Variants in KIAA1217 observed in about 807,000 individuals in gnomAD.
KIAA1217 encodes the protein KIAA1217.
In KIAA1217, 88 loss-of-function variants were observed where a neutral mutation model predicts 163.9. The ratio of observed to expected loss-of-function variants is 0.54; its 90% CI spans 0.45 to 0.64. The LOEUF (loss-of-function observed/expected upper bound fraction) is 0.64. Among genes scored for constraint, KIAA1217 ranks in the 30% least tolerant of loss-of-function variants. The pLI is 0.00. For missense variants in KIAA1217, 2,372 were observed against 2,475.0 expected, an observed-to-expected ratio of 0.96 and a Z score of 0.88; for synonymous variants, 903 against 923.1, an observed-to-expected ratio of 0.98 and a Z score of 0.39.
At chr10:24,166,998 G>C (rs1199978749) in intron 2 of KIAA1217, among the ~76,000 whole-genome samples, 1 of 152,072 alleles carries the variant, frequency 6.6e-6, no homozygotes, top group Non-Finnish European at 1.5e-5. Context: ...GGAAAGGGAT[G>C]GCAGCGAATA....
At chr10:24,353,247 C>A (rs564448692) in intron 2 of KIAA1217, among the ~76,000 whole-genome samples, 1 of 152,066 alleles carries the variant, frequency 6.6e-6, no homozygotes, top group African/African-American at 2.4e-5. Flanking sequence ...TCCATTTGGA[C>A]CTCATTTATG....
chr10:24,296,626 A>G (rs1590712973), intron 2 of KIAA1217, among the ~76,000 whole-genome samples: 1 of 152,200 alleles, frequency 6.6e-6, no homozygotes. Flanking sequence ...GTAACCCAAC[A>G]TGTACCATTT....
At chr10:24,443,896 CA>C (rs979309867) in intron 5 of KIAA1217, among the ~76,000 whole-genome samples, 2 of 152,116 alleles carry the variant, frequency 1.3e-5, no homozygotes, top group African/African-American at 4.8e-5. Context: ...GTAGATGAAA[CA>C]AAATGGTAAA....
chr10:23,768,706 T>C (rs1176701004), intron 1 of KIAA1217, among the ~76,000 whole-genome samples: 1 of 152,064 alleles, frequency 6.6e-6, no homozygotes, highest in Non-Finnish European at 1.5e-5. Context: ...AGATGAGGGG[T>C]TGAGAAAATA....
chr10:23,744,369 G>C (rs1235110261), intron 1 of KIAA1217, among the ~76,000 whole-genome samples: 2 of 152,128 alleles, frequency 1.3e-5, no homozygotes, highest in African/African-American at 4.8e-5. Flanking sequence ...AAGATGTGTA[G>C]GTTACCTCTA....
intron 6 of KIAA1217, among the ~76,000 whole-genome samples, chr10:24,477,445 C>G (rs1465471333): frequency 6.6e-6 from 1 of 152,192 alleles, no homozygotes; most frequent in Non-Finnish European, 1.5e-5. Flanking sequence ...TCTACATATT[C>G]CATGCTGTTT....
At chr10:23,901,603 A>T (rs1469683038) in intron 1 of KIAA1217, among the ~76,000 whole-genome samples, 1 of 152,062 alleles carries the variant, frequency 6.6e-6, no homozygotes, top group Non-Finnish European at 1.5e-5. Context: ...CCATATCATT[A>T]ATCAGCTAAG....
intron 6 of KIAA1217, among the ~76,000 whole-genome samples, chr10:24,474,444 A>G (rs1282200417): frequency 6.6e-6 from 1 of 152,254 alleles, no homozygotes; most frequent in Non-Finnish European, 1.5e-5. Context: ...ACTGCTGAAA[A>G]TAAGGAGTGA....
In KIAA1217 at chr10:24,086,732, C is replaced by T. The variant is rs1330523931; in HGVS notation, c.-171+79358C>T. ...TCAAGCTTGAAAACATCAAAATTAG[C>T]AATAAAAATAGAAGTTTCTTATCAG... On this transcript the variant is annotated intron_variant, in intron 2 of 18. Coordinates refer to the KIAA1217 transcript ENST00000376462. Among the ~76,000 whole-genome samples the T allele has an allele frequency of 2.6e-5, 4 of 152,062 alleles. No homozygotes were observed. In the East Asian group the frequency reaches 7.7e-4, roughly 29 times the overall value.
rs537820312 is a variant in KIAA1217 at position 24,067,157 on chromosome 10, C to T, written c.-171+59783C>T. Among the ~76,000 whole-genome samples, 88 of 152,244 alleles carry T rather than the reference C, an allele frequency of 5.8e-4. No individual in the cohort carries two copies. In the East Asian group the frequency reaches 0.016, roughly 28 times the overall value. ...CTCTCTCAACTCGTCAAAGTCATTC[C>T]CCGTCCAGCTTTGTTCCGTTGCTGG... On this transcript the variant is annotated intron_variant, in intron 2 of 18. Coordinates refer to the KIAA1217 transcript ENST00000376462.
intron 2 of KIAA1217, among the ~76,000 whole-genome samples, chr10:24,285,132 T>C (rs1343763889): frequency 6.6e-6 from 1 of 152,160 alleles, no homozygotes; most frequent in Admixed American, 6.6e-5. Context: ...TGGATATTAG[T>C]TCTTGTTAGA....
intron 1 of KIAA1217, among the ~76,000 whole-genome samples, chr10:23,994,312 G>A (rs1169123762): frequency 6.6e-6 from 1 of 152,118 alleles, no homozygotes; most frequent in African/African-American, 2.4e-5. Flanking sequence ...TTGAGGGATG[G>A]GGATTAGGTA....
chr10:23,804,353 G>A (rs1283391940), intron 1 of KIAA1217, among the ~76,000 whole-genome samples: 4 of 152,176 alleles, frequency 2.6e-5, no homozygotes, highest in African/African-American at 9.7e-5. Flanking sequence ...AGCTTGCTTT[G>A]TGTAGAGGTG....
At chr10:24,382,017 C>CT (rs111726524) in intron 3 of KIAA1217, among the ~76,000 whole-genome samples, 2,295 of 142,040 alleles carry the variant, frequency 0.016, 31 homozygotes, top group African/African-American at 0.04. Flanking sequence ...GTATCATTTC[C>CT]TTTTTTTTTT....
intron 9 of KIAA1217, among the ~76,000 whole-genome samples, chr10:24,505,126 C>T (rs905766433): frequency 6.6e-6 from 1 of 151,890 alleles, no homozygotes; most frequent in African/African-American, 2.4e-5. Flanking sequence ...TACCTCTTGG[C>T]TACAGGTAAT....
intron 6 of KIAA1217, among the ~76,000 whole-genome samples, chr10:24,487,922 G>A (rs904957229): frequency 6.6e-6 from 1 of 152,220 alleles, no homozygotes; most frequent in African/African-American, 2.4e-5. Flanking sequence ...GAACAGCAAG[G>A]CTGAAAAATA....
rs900251125 is a variant in KIAA1217, at chr10:24,073,050, C to T, written c.-171+65676C>T. Among the ~76,000 whole-genome samples the T allele has an allele frequency of 2.7e-5, 4 of 148,422 alleles. No individual in the cohort carries two copies. In the Admixed American group the frequency reaches 2.7e-4, roughly 10 times the overall value. ...CTCCAGCCTGGGAAACAGAATGAGA[C>T]TCTGTCTTGAAAAAAAAAAAAAAGA... On this transcript the variant is annotated intron_variant, in intron 2 of 18. Transcript: ENST00000376462.
chr10:23,847,321 T>G lies in KIAA1217; in HGVS notation c.-321+152087T>G, dbSNP rs566956179. Among the ~76,000 whole-genome samples, 232 of 152,282 alleles carry G rather than the reference T, an allele frequency of 1.5e-3. 2 individuals carry two copies. The highest frequency in any genetic ancestry group is 0.014 in the Middle Eastern group (4 of 294). The stretch of plus-strand genomic sequence containing the variant: ...TTTCAGAAGAAATGGTAGCAGCTCC[T>G]CCTTGTACCTCTGGTAGAATTCAGC... On this transcript the variant is annotated intron_variant, in intron 1 of 18. Coordinates refer to the KIAA1217 transcript ENST00000376462.
intron 2 of KIAA1217, among the ~76,000 whole-genome samples, chr10:24,066,295 C>T (rs1348350614): frequency 2.0e-5 from 3 of 152,104 alleles, no homozygotes; most frequent in Admixed American, 2.0e-4. Context: ...TGTTCCTTTC[C>T]ATGTTTAGTG....
Sources: gnomAD v4.1 joint callset for allele counts (sites outside exome capture counted in the v4.1 genomes callset) on GRCh38, gnomAD v4.1.1 for gene constraint, MANE v1.5 for transcripts, NCBI Gene and HGNC (gene_info 2026-07-23, HGNC 2026-07-21) for gene names.